Variants in ZC3H3 observed in about 807,000 individuals in gnomAD.
ZC3H3 encodes zinc finger CCCH-type containing 3, also known as zinc finger CCCH domain-containing protein 3.
In ZC3H3, 36 loss-of-function variants were observed where a neutral mutation model predicts 77.3. The observed-to-expected ratio is 0.47, with a 90% CI of 0.36 to 0.61. ZC3H3 has a LOEUF of 0.61. ZC3H3 is among the 20% of genes least tolerant of loss of function. ZC3H3 has a pLI of 0.00. For missense variants in ZC3H3, 1,331 were observed against 1,312.2 expected (o/e 1.01, Z -0.22); for synonymous variants, 626 against 555.2 (o/e 1.13, Z -1.79).
intron 9 of ZC3H3, among the ~76,000 whole-genome samples, chr8:143,442,865 T>TTTAAAGG (rs1400076322): frequency 6.6e-6 from 1 of 152,226 alleles, no homozygotes; most frequent in African/African-American, 2.4e-5. Context: ...TTTTTAACCT[T>TTTAAAGG]TTAAAGGTGG....
At chr8:143,517,763 C>G (rs1475662264) in intron 3 of ZC3H3, among the ~76,000 whole-genome samples, 1 of 152,180 alleles carries the variant, frequency 6.6e-6, no homozygotes, top group East Asian at 1.9e-4. Context: ...ATTGAGAACG[C>G]CTCTTCACCT....
At chr8:143,465,269 C>T (rs1420971329) in intron 9 of ZC3H3, among the ~76,000 whole-genome samples, 1 of 152,150 alleles carries the variant, frequency 6.6e-6, no homozygotes, top group Non-Finnish European at 1.5e-5. Context: ...CACCCCTCTG[C>T]CCCAGGCTGG....
In ZC3H3 at chr8:143,468,239, G is replaced by A; in HGVS notation, c.2145C>T (p.Cys715=). ...RGTCKKTDGT[C]PFSHHVSKEK... ...CCTTGGACACATGGTGGGAGAAGGG[G>A]CAGGTCCCATCCGTTTTCTTGCAGG... The change falls in exon 8 of 12, where the codon TGC becomes TGT. Residue 715 remains cysteine (C), a synonymous_variant. Transcript: ENST00000262577. The A allele has an allele frequency of 6.2e-7, 1 of 1,613,080 alleles. No individual in the cohort carries two copies. Among genetic ancestry groups the A allele is most frequent in the Non-Finnish European group, 8.5e-7 (1 of 1,179,966 alleles).
In ZC3H3 at chr8:143,468,433, C is replaced by T. The variant is rs377248525; in HGVS notation, c.2054G>A (p.Gly685Asp). Residue 685 changes from glycine (G) to aspartate (D), a missense_variant, in exon 7 of 12, where the codon GGC (glycine) becomes GAC (aspartate). Physicochemically the swap from Gly to Asp is moderately conservative, Grantham distance 94. Transcript: ENST00000262577. ...ATCGTGGATGTAGGGGCAGCGCTCGCCACGGTTGCACCTGCCGAAGCGGTT... is the reference window on the plus strand; with the variant it reads ...ATCGTGGATGTAGGGGCAGCGCTCGTCACGGTTGCACCTGCCGAAGCGGTT... Reference protein sequence around the residue: ...YYNRFGRCNRGERCPYIHDPE... With the variant: ...YYNRFGRCNRDERCPYIHDPE... The T allele has an allele frequency of 1.5e-5, 24 of 1,611,098 alleles. No individual in the cohort carries two copies. Among genetic ancestry groups the T allele is most frequent in the Non-Finnish European group, 1.7e-5 (20 of 1,179,344 alleles).
At chr8:143,513,558 G>C (rs1821938605) in intron 3 of ZC3H3, among the ~76,000 whole-genome samples, 1 of 152,242 alleles carries the variant, frequency 6.6e-6, no homozygotes, top group East Asian at 1.9e-4. Flanking sequence ...CTCCAACAGA[G>C]CATGTGGCCC....
At position 143,437,726 on chromosome 8, in the gene ZC3H3, ACTGGGCCGAAAAC is replaced by A. The variant is rs1216188685; in HGVS notation, c.*317_*329del. 1 of 424,758 alleles carries A rather than the reference ACTGGGCCGAAAAC, an allele frequency of 2.4e-6. No homozygotes were observed. Among genetic ancestry groups the A allele is most frequent in the Non-Finnish European group, 4.4e-6 (1 of 228,316 alleles). 26.3% of individuals were successfully genotyped at this position (424,758 alleles called of 1,614,324 possible). On this transcript the variant is annotated 3_prime_UTR_variant, in exon 12 of 12. Transcript: ENST00000262577. ...GGGAGGCCTGGCCAGTGGCCTCTTC[ACTGGGCCGAAAAC>A]CTGGGTGGGGAGGGCTGGGGGCTGC...
chr8:143,528,832 T>G (rs1822503865), intron 3 of ZC3H3, among the ~76,000 whole-genome samples: 1 of 152,160 alleles, frequency 6.6e-6, no homozygotes, highest in African/African-American at 2.4e-5. Flanking sequence ...TCCAGTCCTC[T>G]GGGAGGGGGG....
chr8:143,491,630 T>G (rs1299991961), intron 4 of ZC3H3, among the ~76,000 whole-genome samples: 1 of 152,190 alleles, frequency 6.6e-6, no homozygotes, highest in Non-Finnish European at 1.5e-5. Context: ...TTGGTCACAG[T>G]GGTACAGAGA....
chr8:143,461,325 G>A (rs1399765737), intron 9 of ZC3H3, among the ~76,000 whole-genome samples: 2 of 152,192 alleles, frequency 1.3e-5, no homozygotes, highest in Non-Finnish European at 2.9e-5. Context: ...ACGCCCACCA[G>A]AACGGGTGTG....
At chr8:143,469,269 T>C (rs1041322867) in intron 5 of ZC3H3, among the ~76,000 whole-genome samples, 1 of 152,244 alleles carries the variant, frequency 6.6e-6, no homozygotes, top group Non-Finnish European at 1.5e-5. Flanking sequence ...GGGGTGAATA[T>C]GGCCCATGGG....
chr8:143,513,019 C>A (rs12545647), intron 3 of ZC3H3, among the ~76,000 whole-genome samples: 1 of 146,188 alleles, frequency 6.8e-6, no homozygotes, highest in Non-Finnish European at 1.5e-5. Context: ...CTGCAAGAGG[C>A]GGGGACAGCC....
intron 4 of ZC3H3, among the ~76,000 whole-genome samples, chr8:143,503,448 C>T (rs143134279): frequency 6.6e-6 from 1 of 152,276 alleles, no homozygotes; most frequent in Non-Finnish European, 1.5e-5. Flanking sequence ...ACGACGAGCA[C>T]TGGCCGGCCA....
intron 3 of ZC3H3, among the ~76,000 whole-genome samples, chr8:143,535,239 A>G (rs1036914296): frequency 1.3e-5 from 2 of 152,006 alleles, no homozygotes; most frequent in African/African-American, 4.8e-5. Context: ...GGGTTTTGCC[A>G]TGTTGCCCAG....
chr8:143,478,130 C>T (rs1291541632), intron 4 of ZC3H3, among the ~76,000 whole-genome samples: 1 of 152,214 alleles, frequency 6.6e-6, no homozygotes, highest in Non-Finnish European at 1.5e-5. Flanking sequence ...CAGCTCTCCA[C>T]CTGGGTCCAG....
chr8:143,451,059 C>T (rs28729486), intron 9 of ZC3H3, among the ~76,000 whole-genome samples: 213 of 152,166 alleles, frequency 1.4e-3, no homozygotes, highest in African/African-American at 5.0e-3. Flanking sequence ...TGTGGGGCTG[C>T]TGTGGGGGAC....
intron 3 of ZC3H3, among the ~76,000 whole-genome samples, chr8:143,526,531 C>A (rs958776021): frequency 7.9e-5 from 12 of 152,160 alleles, no homozygotes; most frequent in Non-Finnish European, 1.5e-4. Flanking sequence ...CACGGGGTTC[C>A]CAGACGATGC....
chr8:143,505,741 G>A (rs938453253), intron 4 of ZC3H3, among the ~76,000 whole-genome samples: 4 of 152,210 alleles, frequency 2.6e-5, no homozygotes, highest in African/African-American at 9.6e-5. Flanking sequence ...TTCACACACG[G>A]AGAAGACACT....
intron 5 of ZC3H3, among the ~76,000 whole-genome samples, chr8:143,474,756 G>A (rs1039171823): frequency 1.3e-5 from 2 of 152,206 alleles, no homozygotes. Flanking sequence ...GGTAAAATTG[G>A]ACTGAAACCA....
Position 143,536,535 on chromosome 8 carries a change from C to T in ZC3H3, c.1365-82G>A, listed in dbSNP as rs918034270. 5.8e-6 allele frequency: 8 copies of T among 1,372,874 alleles called. No homozygotes were observed. The South Asian group carries it at 6.0e-5, about 10-fold the overall frequency. The allele number at this position is 1,372,874 out of a possible 1,614,324, so 85.0% of individuals were successfully genotyped here. ...CCCTTCCTCACCAGGACCCGAGGAGCGTGGGAGCAGCTCCTGAAGGCCAGG... is the reference window on the plus strand; with the variant it reads ...CCCTTCCTCACCAGGACCCGAGGAGTGTGGGAGCAGCTCCTGAAGGCCAGG... On this transcript the variant is annotated intron_variant, in intron 2 of 11. Coordinates refer to ENST00000262577, the MANE Select transcript of ZC3H3 (RefSeq NM_015117.3).
Sources: gnomAD v4.1 joint callset for allele counts (sites outside exome capture counted in the v4.1 genomes callset) on GRCh38, gnomAD v4.1.1 for gene constraint, MANE v1.5 for transcripts, NCBI Gene and HGNC (gene_info 2026-07-23, HGNC 2026-07-21) for gene names.